EBPL: variants seen among roughly 807,000 people sequenced by gnomAD.
EBPL encodes EBP like.
In EBPL, 20 loss-of-function variants were observed where a neutral mutation model predicts 19.0. The observed-to-expected ratio is 1.05, with a 90% confidence interval of 0.74 to 1.53. EBPL has a LOEUF of 1.53. Among genes scored for constraint, EBPL ranks in the 40% most tolerant of loss-of-function variants. EBPL has a pLI of 0.00. For synonymous variants in EBPL, 107 were observed against 117.0 expected, an observed-to-expected ratio of 0.91 and a Z score of 0.55; for missense variants, 219 against 261.1, an observed-to-expected ratio of 0.84 and a Z score of 1.11.
intron 1 of EBPL, among the ~76,000 whole-genome samples, chr13:49,688,370 G>T (rs1174916981): frequency 1.3e-5 from 2 of 152,128 alleles, no homozygotes; most frequent in African/African-American, 4.8e-5. Flanking sequence ...TGTCCAACAG[G>T]ATAGCTTTCA....
At position 49,669,159 on chromosome 13, in the gene EBPL, G is replaced by A. The variant is rs372826563; in HGVS notation, c.241+618C>T. 2.0e-4 allele frequency among the ~76,000 whole-genome samples: 30 copies of A among 152,192 alleles called. No homozygotes were observed. In the East Asian group the frequency reaches 5.2e-3, roughly 26 times the overall value. The stretch of plus-strand genomic sequence containing the variant: ...CTCCCAAAGTGCTGGGATTACAGGC[G>A]TGAGCCACCATGCCCGGCCATTCAC... On this transcript the variant is annotated intron_variant, in intron 2 of 3. Transcript: ENST00000242827.
intron 1 of EBPL, among the ~76,000 whole-genome samples, chr13:49,683,945 TGATAAATG>T (rs1953970498): frequency 6.6e-6 from 1 of 152,232 alleles, no homozygotes; most frequent in African/African-American, 2.4e-5. Context: ...GTTCATTAAC[TGATAAATG>T]GATAAATGAA....
At chr13:49,677,049 T>C (rs1953884151) in intron 1 of EBPL, among the ~76,000 whole-genome samples, 1 of 152,214 alleles carries the variant, frequency 6.6e-6, no homozygotes. Context: ...TGGGCAGGTC[T>C]GGTGGGTCAG....
At chr13:49,683,390 A>C (rs898183075) in intron 1 of EBPL, among the ~76,000 whole-genome samples, 1 of 151,848 alleles carries the variant, frequency 6.6e-6, no homozygotes, top group African/African-American at 2.4e-5. Flanking sequence ...TTAGCTGGGC[A>C]TGGGGGCAGG....
At chr13:49,687,819 T>C (rs1285234674) in intron 1 of EBPL, among the ~76,000 whole-genome samples, 1 of 152,234 alleles carries the variant, frequency 6.6e-6, no homozygotes, top group Non-Finnish European at 1.5e-5. Flanking sequence ...CCTTGTTAAC[T>C]TCTAAGTTGG....
intron 1 of EBPL, among the ~76,000 whole-genome samples, chr13:49,673,202 T>A (rs1953836795): frequency 6.6e-6 from 1 of 152,116 alleles, no homozygotes; most frequent in African/African-American, 2.4e-5. Context: ...ATAGAAGCGA[T>A]ACAGCCACTA....
chr13:49,690,392 T>C (rs1346194421), intron 1 of EBPL, among the ~76,000 whole-genome samples: 1 of 146,838 alleles, frequency 6.8e-6, no homozygotes, highest in South Asian at 2.1e-4. Context: ...CACAGGTGTG[T>C]CTAGAGTTAA....
chr13:49,668,388 A>C (rs1263716192), intron 2 of EBPL: 2 of 235,370 alleles, frequency 8.5e-6, no homozygotes, highest in African/African-American at 4.7e-5. Flanking sequence ...CCTGGCTAAC[A>C]TGGTGAAACC....
intron 1 of EBPL, among the ~76,000 whole-genome samples, chr13:49,678,870 G>C (rs1953910635): frequency 6.6e-6 from 1 of 151,852 alleles, no homozygotes; most frequent in African/African-American, 2.4e-5. Context: ...AATTAGTCAG[G>C]CATGGGTGGC....
chr13:49,670,803 T>C (rs1404551500), intron 1 of EBPL, among the ~76,000 whole-genome samples: 1 of 152,192 alleles, frequency 6.6e-6, no homozygotes, highest in African/African-American at 2.4e-5. Flanking sequence ...CACTCACTCA[T>C]CAATTTTGTG....
chr13:49,688,726 A>C (rs920637600), intron 1 of EBPL, among the ~76,000 whole-genome samples: 73 of 151,578 alleles, frequency 4.8e-4, no homozygotes, highest in Admixed American at 1.4e-3. Flanking sequence ...CTCAAAAAAA[A>C]AAAAAAAAAA....
intron 1 of EBPL, among the ~76,000 whole-genome samples, chr13:49,690,009 G>C (rs994350316): frequency 6.6e-6 from 1 of 151,908 alleles, no homozygotes; most frequent in Non-Finnish European, 1.5e-5. Context: ...AATTAGCTGG[G>C]CGTGGTGACG....
chr13:49,667,933 C>A (rs1166378605), intron 2 of EBPL, among the ~76,000 whole-genome samples: 1 of 152,194 alleles, frequency 6.6e-6, no homozygotes, highest in East Asian at 1.9e-4. Context: ...GAGGTGTCAG[C>A]ATGGCATCTG....
intron 2 of EBPL, among the ~76,000 whole-genome samples, chr13:49,666,638 A>G (rs533174110): frequency 4.7e-5 from 7 of 147,742 alleles, no homozygotes; most frequent in Non-Finnish European, 4.5e-5. Flanking sequence ...CATGAACCCA[A>G]GAGGCGGAGC....
At chr13:49,672,812 C>T (rs1304971385) in intron 1 of EBPL, among the ~76,000 whole-genome samples, 2 of 152,300 alleles carry the variant, frequency 1.3e-5, no homozygotes, top group South Asian at 4.1e-4. Flanking sequence ...GTAATCCCAG[C>T]ACTTTGGGAG....
At chr13:49,675,650 A>G (rs1953867043) in intron 1 of EBPL, among the ~76,000 whole-genome samples, 1 of 152,204 alleles carries the variant, frequency 6.6e-6, no homozygotes, top group South Asian at 2.1e-4. Context: ...GTCTGCTGCT[A>G]TGAACACTGG....
chr13:49,680,490 G>T (rs1242749033), intron 1 of EBPL, among the ~76,000 whole-genome samples: 1 of 152,182 alleles, frequency 6.6e-6, no homozygotes, highest in African/African-American at 2.4e-5. Flanking sequence ...TACTGTACTA[G>T]TCTCTCTACA....
At chr13:49,673,812 G>A (rs1953844631) in intron 1 of EBPL, among the ~76,000 whole-genome samples, 1 of 152,150 alleles carries the variant, frequency 6.6e-6, no homozygotes, top group Admixed American at 6.5e-5. Context: ...TGGTTGCCAG[G>A]GGTTAAGGGA....
intron 1 of EBPL, among the ~76,000 whole-genome samples, chr13:49,689,294 C>G (rs1025185769): frequency 1.3e-5 from 2 of 152,182 alleles, no homozygotes; most frequent in African/African-American, 4.8e-5. Flanking sequence ...GTGGTGAACA[C>G]ACGCATATAG....
Sources: allele counts gnomAD v4.1 joint callset (sites outside exome capture counted in the v4.1 genomes callset), GRCh38; gene constraint gnomAD v4.1.1; transcripts MANE v1.5; gene names NCBI Gene and HGNC (gene_info 2026-07-23, HGNC 2026-07-21).